The following CHIC1 variants were observed in gnomAD, a reference collection of about 807,000 sequenced individuals.
CHIC1 encodes the protein cysteine-rich hydrophobic domain-containing protein 1.
CHIC1 carries 7 observed loss-of-function variants against 18.5 expected under a neutral mutation model. The ratio of observed to expected loss-of-function variants is 0.38; its 90% CI spans 0.22 to 0.71. The LOEUF (loss-of-function observed/expected upper bound fraction) is 0.71, where lower values mean the gene tolerates loss of function less well. CHIC1 is among the 30% of genes least tolerant of loss of function. The pLI is 0.49. For synonymous variants in CHIC1, 77 were observed against 73.5 expected (o/e 1.05, Z -0.25); for missense variants, 159 against 176.9 (o/e 0.90, Z 0.57).
At chrX:73,597,520 G>A (rs1273985708) in intron 3 of CHIC1, among the ~76,000 whole-genome samples, 5 of 107,390 alleles carry the variant, frequency 4.7e-5, no homozygotes, top group African/African-American at 1.3e-4. Flanking sequence ...TTTCTTGCCT[G>A]GGCTTAGGCA....
At chrX:73,657,572 A>T (rs1021528930) in intron 3 of CHIC1, among the ~76,000 whole-genome samples, 18 of 112,155 alleles carry the variant, frequency 1.6e-4, no homozygotes, top group African/African-American at 5.5e-4. Context: ...AAATAAAGAT[A>T]GTTTAACTTC....
At chrX:73,651,155 TCTCAA>T (rs780777719) in intron 3 of CHIC1, among the ~76,000 whole-genome samples, 5 of 111,822 alleles carry the variant, frequency 4.5e-5, no homozygotes, top group Non-Finnish European at 7.5e-5. Flanking sequence ...ATGTTAAAAC[TCTCAA>T]CAAACTAGAT....
intron 3 of CHIC1, among the ~76,000 whole-genome samples, chrX:73,624,884 C>T (rs1402585672): frequency 8.9e-6 from 1 of 112,271 alleles, no homozygotes; most frequent in Non-Finnish European, 1.9e-5. Context: ...ACTAGCCTCA[C>T]AAATTGTTTT....
chrX:73,656,374 T>C (rs1035281253), intron 3 of CHIC1, among the ~76,000 whole-genome samples: 10 of 112,100 alleles, frequency 8.9e-5, no homozygotes, highest in Non-Finnish European at 1.5e-4. Context: ...AAATGTTTGT[T>C]CCTGTCTATT....
intron 1 of CHIC1, among the ~76,000 whole-genome samples, chrX:73,568,788 T>C (rs1569499505): frequency 9.0e-6 from 1 of 111,466 alleles, no homozygotes; most frequent in Non-Finnish European, 1.9e-5. Context: ...CTGAAGTTAT[T>C]AGATTATATA....
chrX:73,605,746 T>G (rs1287817422), intron 3 of CHIC1, among the ~76,000 whole-genome samples: 1 of 108,915 alleles, frequency 9.2e-6, no homozygotes, highest in Non-Finnish European at 1.9e-5. Context: ...TCTCCTTCAC[T>G]TATGATGCTT....
intron 3 of CHIC1, among the ~76,000 whole-genome samples, chrX:73,642,801 T>C (rs1223385061): frequency 9.2e-6 from 1 of 108,638 alleles, no homozygotes; most frequent in Admixed American, 1.0e-4. Context: ...TGCTTGTTTT[T>C]CTCAGGTTTG....
intron 3 of CHIC1, among the ~76,000 whole-genome samples, chrX:73,585,223 T>A (rs1207070725): frequency 2.7e-5 from 3 of 111,878 alleles, no homozygotes; most frequent in Non-Finnish European, 5.7e-5. Context: ...AAGTAGCCAA[T>A]GAAATCAGAT....
chrX:73,686,934 G>A lies in CHIC1; in HGVS notation c.*5929G>A, dbSNP rs2058124989. ...AATGAATTCATTTTTTCTCCCTTGAGTCCAGGAATGACTTCCCTGGAAAAA... is the reference window on the plus strand; with the variant it reads ...AATGAATTCATTTTTTCTCCCTTGAATCCAGGAATGACTTCCCTGGAAAAA... On this transcript the variant is annotated 3_prime_UTR_variant, in exon 6 of 6. Transcript: ENST00000373502. 9.0e-6 allele frequency: 1 copy of A among 111,372 alleles called. No individual in the cohort carries two copies. Among genetic ancestry groups the A allele is most frequent in the Non-Finnish European group, 1.9e-5 (1 of 52,885 alleles). 9.2% of individuals were successfully genotyped at this position (111,372 alleles called of 1,213,427 possible).
chrX:73,631,472 CA>C (rs898764200), intron 3 of CHIC1, among the ~76,000 whole-genome samples: 40 of 101,384 alleles, frequency 3.9e-4, no homozygotes, highest in African/African-American at 9.0e-4. Flanking sequence ...ACTAAAAATA[CA>C]AAAAAAAAAA....
At chrX:73,567,319 G>A (rs2147535105) in intron 1 of CHIC1, among the ~76,000 whole-genome samples, 1 of 109,471 alleles carries the variant, frequency 9.1e-6, no homozygotes, top group East Asian at 2.9e-4. Flanking sequence ...AAAACCTCCC[G>A]ACACCCCTCT....
intron 3 of CHIC1, among the ~76,000 whole-genome samples, chrX:73,627,282 G>A (rs1392642433): frequency 1.8e-5 from 2 of 112,507 alleles, no homozygotes; most frequent in South Asian, 7.3e-4. Context: ...ACTGGGCATA[G>A]CCCAAGGCCT....
At chrX:73,584,640 T>C (rs1453899699) in intron 3 of CHIC1, 68 bp downstream of exon 3, 8 of 803,098 alleles carry the variant, frequency 1.0e-5, no homozygotes, top group Non-Finnish European at 1.4e-5. Flanking sequence ...CTATGTGCTA[T>C]GAACTCTTTT....
chrX:73,657,436 G>A (rs2057956051), intron 3 of CHIC1, among the ~76,000 whole-genome samples: 1 of 111,764 alleles, frequency 8.9e-6, no homozygotes, highest in African/African-American at 3.2e-5. Flanking sequence ...TGTTGTTGGT[G>A]TATAGGAATG....
chrX:73,573,836 C>T (rs1468068967), intron 1 of CHIC1, among the ~76,000 whole-genome samples: 1 of 111,007 alleles, frequency 9.0e-6, no homozygotes, highest in Non-Finnish European at 1.9e-5. Context: ...TTTGGCAAGT[C>T]TTTAGGGTTT....
At chrX:73,611,393 C>T (rs1400007973) in intron 3 of CHIC1, among the ~76,000 whole-genome samples, 1 of 108,910 alleles carries the variant, frequency 9.2e-6, no homozygotes, top group Non-Finnish European at 1.9e-5. Flanking sequence ...TGTATATGTG[C>T]CACATGTTCT....
rs2057616549 is a variant in CHIC1 at position 73,597,599 on chromosome X, A to G, written c.507+13027A>G. 2.8e-5 allele frequency among the ~76,000 whole-genome samples: 3 copies of G among 106,071 alleles called. No homozygotes were observed. The South Asian group carries it at 1.2e-3, about 43-fold the overall frequency. 92.1% of individuals were successfully genotyped at this position (106,071 alleles called of 115,157 possible). A position where few individuals can be genotyped will look rare whatever the true frequency, so the allele number is the denominator to read the frequency against. On this transcript the variant is annotated intron_variant, in intron 3 of 5. Transcript: ENST00000373502. ...TATATATACATATATACACACATATATATATACACACACACACACACATAT... is the reference window on the plus strand; with the variant it reads ...TATATATACATATATACACACATATGTATATACACACACACACACACATAT...
chrX:73,668,218 A>G (rs965693687), intron 3 of CHIC1, among the ~76,000 whole-genome samples: 3 of 111,599 alleles, frequency 2.7e-5, no homozygotes, highest in Non-Finnish European at 5.7e-5. Context: ...CATGTCAGTT[A>G]TTTTCCTCTC....
rs995595424 is a variant in CHIC1, at chrX:73,683,469, A to T, written c.*2464A>T. On this transcript the variant is annotated 3_prime_UTR_variant, in exon 6 of 6. Transcript: ENST00000373502. The stretch of plus-strand genomic sequence containing the variant: ...TGAAATTGGTTGCAGTGAATGCTAA[A>T]ATGACACAGCACACTGGTGATTAAT... 1.4e-4 allele frequency: 16 copies of T among 111,603 alleles called. No homozygotes were observed. The highest frequency in any genetic ancestry group is 4.7e-3 in the Middle Eastern group (1 of 215). The allele number at this position is 111,603 out of a possible 1,213,427, so 9.2% of individuals were successfully genotyped here. A position where few individuals can be genotyped will look rare whatever the true frequency, so the allele number is the denominator to read the frequency against.
Sources: gnomAD v4.1 joint callset for allele counts (sites outside exome capture counted in the v4.1 genomes callset) on GRCh38, gnomAD v4.1.1 for gene constraint, MANE v1.5 for transcripts, NCBI Gene and HGNC (gene_info 2026-07-23, HGNC 2026-07-21) for gene names.